The following CCDC50 variants were observed in gnomAD, a reference collection of about 807,000 sequenced individuals.
The protein encoded by CCDC50 is coiled-coil domain-containing protein 50.
Under a neutral mutation model 70.2 loss-of-function variants are expected in CCDC50, and 54 were observed. The ratio of observed to expected loss-of-function variants is 0.77; its 90% confidence interval spans 0.62 to 0.96. The LOEUF is 0.96. Among genes scored for constraint, CCDC50 ranks in the 50% least tolerant of loss-of-function variants. The probability of loss-of-function intolerance (pLI) is 0.00; values close to 1 mark genes in which losing one functional copy is unlikely to be tolerated. For missense variants in CCDC50, 558 were observed against 578.7 expected (o/e 0.96, Z 0.37); for synonymous variants, 216 against 198.8 (o/e 1.09, Z -0.73).
chr3:191,370,288 T>G (rs1335559068), intron 5 of CCDC50: 1 of 373,080 alleles, frequency 2.7e-6, no homozygotes, highest in East Asian at 6.7e-5. Flanking sequence ...TATAGATACA[T>G]GTGCCATGTT....
At chr3:191,368,252 C>A (rs571044264) in intron 4 of CCDC50, among the ~76,000 whole-genome samples, 3 of 151,844 alleles carry the variant, frequency 2.0e-5, no homozygotes, top group Non-Finnish European at 2.9e-5. Flanking sequence ...ACTCAGAGTT[C>A]TATTCATGAA....
At chr3:191,374,966 A>T in intron 5 of CCDC50, 96 bp from the exon 6 acceptor site, 2 of 1,272,328 alleles carry the variant, frequency 1.6e-6, no homozygotes, top group Non-Finnish European at 2.3e-6. Context: ...AAAGTACGTT[A>T]AACTGGAGCC....
chr3:191,339,755 G>T (rs900214162), intron 1 of CCDC50, among the ~76,000 whole-genome samples: 1 of 152,196 alleles, frequency 6.6e-6, no homozygotes, highest in African/African-American at 2.4e-5. Flanking sequence ...GTTAGTGACT[G>T]ATAACATGGT....
At chr3:191,369,470 T>C (rs4677726) in intron 4 of CCDC50, among the ~76,000 whole-genome samples, 48,230 of 151,942 alleles carry the variant, frequency 0.32, 7,661 homozygotes, top group Non-Finnish European at 0.32. Flanking sequence ...TTCTCTTTTT[T>C]GGTTAAGACA....
At chr3:191,386,065 C>T (rs1713483597) in intron 10 of CCDC50, among the ~76,000 whole-genome samples, 1 of 152,014 alleles carries the variant, frequency 6.6e-6, no homozygotes, top group African/African-American at 2.4e-5. Context: ...TCATGCCTCC[C>T]TTTGTTCTTA....
Position 191,382,824 on chromosome 3 carries a change from C to T in CCDC50, c.1321C>T (p.Arg441Trp), listed in dbSNP as rs532668837. The T allele has an allele frequency of 1.1e-5, 17 of 1,607,636 alleles. No individual in the cohort carries two copies. The highest frequency in any genetic ancestry group is 1.7e-5 in the Admixed American group (1 of 59,926). Reference protein sequence around the residue: ...PHHSKNERPARPPPPIMTDGE... With the variant: ...PHHSKNERPAWPPPPIMTDGE... Reference sequence around the variant, plus strand: ...CCATTCTAAGAATGAAAGGCCAGCACGGTAAGCTGACACCTGAAAAGAAAA... The same window carrying T: ...CCATTCTAAGAATGAAAGGCCAGCATGGTAAGCTGACACCTGAAAAGAAAA... Residue 441 changes from arginine to tryptophan, a missense_variant and splice_region_variant, in exon 10 of 12, where the codon CGG becomes TGG. By Grantham distance (101) the Arg-to-Trp change is moderately radical. Transcript: ENST00000392455.
chr3:191,338,785 G>T (rs566375988), intron 1 of CCDC50, among the ~76,000 whole-genome samples: 34 of 152,288 alleles, frequency 2.2e-4, no homozygotes, highest in South Asian at 2.1e-3. Flanking sequence ...GTTGATTGGT[G>T]TTGTGATTGA....
chr3:191,386,869 C>A (rs1713514939), intron 10 of CCDC50, among the ~76,000 whole-genome samples: 2 of 152,204 alleles, frequency 1.3e-5, no homozygotes. Context: ...AATCTGAATT[C>A]TAACTCTTGT....
chr3:191,375,293 G>T lies in CCDC50; in HGVS notation c.680G>T (p.Arg227Leu), dbSNP rs371781270. ...HINNEQHERKRSTQERPRRPL... is the reference protein window; with the variant it reads ...HINNEQHERKLSTQERPRRPL... ...AACAATGAGCAGCATGAAAGGAAAC[G>T]GTCCACTCAGGAGAGGCCTCGGAGA... Residue 227 changes from arginine (R) to leucine (L), a missense_variant, in exon 6 of 12, where the codon CGG becomes CTG. Physicochemically the swap from Arg to Leu is moderately radical, Grantham distance 102. Transcript: ENST00000392455. 1.2e-5 allele frequency: 20 copies of T among 1,613,618 alleles called. No individual in the cohort carries two copies. Among genetic ancestry groups the T allele is most frequent in the Non-Finnish European group, 1.7e-5 (20 of 1,179,742 alleles).
intron 1 of CCDC50, among the ~76,000 whole-genome samples, chr3:191,329,949 G>A (rs1473534457): frequency 1.2e-4 from 17 of 142,994 alleles, no homozygotes; most frequent in South Asian, 5.1e-4. Flanking sequence ...GGTTGGGGGG[G>A]GGGGGGGCTA....
intron 1 of CCDC50, 78 bp from the exon 2 acceptor site, chr3:191,357,007 TAAA>T: frequency 1.3e-6 from 1 of 762,216 alleles, no homozygotes; most frequent in Non-Finnish European, 2.2e-6. Flanking sequence ...TTTTTTAAAG[TAAA>T]AAAAAAAAAT....
intron 6 of CCDC50, among the ~76,000 whole-genome samples, chr3:191,378,805 A>G (rs1202596871): frequency 1.3e-5 from 2 of 151,828 alleles, no homozygotes; most frequent in African/African-American, 2.4e-5. Context: ...CCAGCCCAGC[A>G]TAAGACTCCG....
At chr3:191,343,333 G>A (rs763367026) in intron 1 of CCDC50, among the ~76,000 whole-genome samples, 41 of 152,300 alleles carry the variant, frequency 2.7e-4, no homozygotes, top group Admixed American at 4.6e-4. Flanking sequence ...CAAAGTAAGA[G>A]TTCTCTTGGT....
intron 1 of CCDC50, among the ~76,000 whole-genome samples, chr3:191,338,385 A>G (rs1711589883): frequency 6.6e-6 from 1 of 152,214 alleles, no homozygotes; most frequent in African/African-American, 2.4e-5. Flanking sequence ...GACGTAGAAG[A>G]AAGAGAAAGA....
At chr3:191,380,802 A>G in intron 8 of CCDC50, 26 bp from the exon 9 acceptor site, 1 of 1,611,658 alleles carries the variant, frequency 6.2e-7, no homozygotes, top group Non-Finnish European at 8.5e-7. Context: ...CTCTGCAGTT[A>G]ATGATATTGA....
intron 1 of CCDC50, among the ~76,000 whole-genome samples, chr3:191,345,036 C>T (rs958290815): frequency 9.9e-5 from 15 of 152,110 alleles, no homozygotes; most frequent in African/African-American, 3.4e-4. Context: ...AGACAGAGCC[C>T]AGGAATCAAT....
At chr3:191,360,262 A>T (rs1321024053) in intron 3 of CCDC50, among the ~76,000 whole-genome samples, 2 of 152,218 alleles carry the variant, frequency 1.3e-5, no homozygotes, top group East Asian at 3.8e-4. Flanking sequence ...TCTTGGAAAT[A>T]TGGTTTGAAA....
intron 1 of CCDC50, chr3:191,330,295 A>AC: frequency 9.4e-6 from 1 of 106,294 alleles, no homozygotes; most frequent in Non-Finnish European, 1.8e-5. Context: ...CTTACAAACA[A>AC]AACACACACA....
intron 4 of CCDC50, among the ~76,000 whole-genome samples, chr3:191,368,494 A>AG (rs1006367210): frequency 3.3e-5 from 5 of 152,064 alleles, no homozygotes; most frequent in Admixed American, 3.3e-4. Flanking sequence ...ATAGTAAAAA[A>AG]CAGCTGAGGA....
Sources: gnomAD v4.1 joint callset for allele counts (sites outside exome capture counted in the v4.1 genomes callset) on GRCh38, gnomAD v4.1.1 for gene constraint, MANE v1.5 for transcripts, NCBI Gene and HGNC (gene_info 2026-07-23, HGNC 2026-07-21) for gene names.